The following RABEP1 variants were observed in gnomAD, a reference collection of about 807,000 sequenced individuals.
RABEP1 encodes the protein rabaptin, RAB GTPase binding effector protein 1, also known as rab GTPase-binding effector protein 1.
Under a neutral mutation model 123.4 loss-of-function variants are expected in RABEP1, and 51 were observed. The observed-to-expected ratio is 0.41, with a 90% CI of 0.33 to 0.52. The LOEUF (loss-of-function observed/expected upper bound fraction) is 0.52. RABEP1 is among the 20% of genes least tolerant of loss of function. The probability of loss-of-function intolerance (pLI) is 0.16; values close to 1 mark genes in which losing one functional copy is unlikely to be tolerated. For missense variants in RABEP1, 888 were observed against 996.3 expected (o/e 0.89, Z 1.46); for synonymous variants, 347 against 355.2 (o/e 0.98, Z 0.26).
In RABEP1 at chr17:5,383,397, T is replaced by C. The variant is rs8703; in HGVS notation, c.*174T>C. 0.54 allele frequency: 323,009 copies of C among 593,766 alleles called. 94,115 individuals carry two copies. Among genetic ancestry groups the C allele is most frequent in the East Asian group, 0.98 (34,533 of 35,318 alleles). 36.8% of individuals were successfully genotyped at this position (593,766 alleles called of 1,614,324 possible). A position where few individuals can be genotyped will look rare whatever the true frequency, so the allele number is the denominator to read the frequency against. ...GTGCGGCACAGGAAACAGCAAACAG[T>C]GGGGTGATCTGCAGCCCAGAGACCT... On this transcript the variant is annotated 3_prime_UTR_variant, in exon 18 of 18. Coordinates refer to ENST00000537505, the MANE Select transcript of RABEP1 (RefSeq NM_004703.6).
chr17:5,339,785 A>G (rs1188292174), intron 5 of RABEP1, among the ~76,000 whole-genome samples: 1 of 152,160 alleles, frequency 6.6e-6, no homozygotes, highest in African/African-American at 2.4e-5. Context: ...CCTGGGCGAC[A>G]GAGTGAGACT....
chr17:5,354,676 A>G (rs1346753079), intron 8 of RABEP1, among the ~76,000 whole-genome samples, 186 bp downstream of exon 8: 16 of 152,216 alleles, frequency 1.1e-4, no homozygotes, highest in Admixed American at 9.2e-4. Flanking sequence ...TATTTGAAAC[A>G]TGTTGCAGCT....
At chr17:5,381,333 T>A in intron 16 of RABEP1, 56 bp from the exon 17 acceptor site, 1 of 1,583,444 alleles carries the variant, frequency 6.3e-7, no homozygotes, top group Non-Finnish European at 8.6e-7. Flanking sequence ...TTACTGGATT[T>A]CCTAAGTAAT....
chr17:5,352,615 C>T (rs1477875892), intron 7 of RABEP1, among the ~76,000 whole-genome samples: 1 of 151,652 alleles, frequency 6.6e-6, no homozygotes, highest in Non-Finnish European at 1.5e-5. Context: ...TGGATCACCT[C>T]AGGTCAGGAG....
chr17:5,289,174 T>C (rs72836365), intron 1 of RABEP1, among the ~76,000 whole-genome samples: 351 of 2,174 alleles, frequency 0.16, no homozygotes, highest in African/African-American at 0.28. Context: ...CTTCTTCTTC[T>C]TCCTCTTCCT....
intron 10 of RABEP1, chr17:5,364,237 A>G (rs1395793204): frequency 6.6e-6 from 1 of 152,256 alleles, no homozygotes; most frequent in African/African-American, 2.4e-5. Context: ...TAGTCAGAAA[A>G]AGAAGTGGGA....
At position 5,338,500 on chromosome 17, in the gene RABEP1, G is replaced by A. The variant is rs139924669; in HGVS notation, c.648+362G>A. Among the ~76,000 whole-genome samples the A allele has an allele frequency of 2.3e-4, 35 of 152,332 alleles. 1 individual carries two copies. In the East Asian group the frequency reaches 4.4e-3, roughly 19 times the overall value. The stretch of plus-strand genomic sequence containing the variant: ...GGAGAATCGCTTGAAGCCCGGTGGC[G>A]GAGGTTGCAGTGAGCTGAGATTGTG... On this transcript the variant is annotated intron_variant, in intron 5 of 17. Coordinates refer to ENST00000537505, the MANE Select transcript of RABEP1 (RefSeq NM_004703.6).
chr17:5,378,360 G>T, intron 15 of RABEP1, 128 bp downstream of exon 15: 2 of 920,778 alleles, frequency 2.2e-6, no homozygotes, highest in Non-Finnish European at 3.5e-6. Flanking sequence ...TTTGTCTTGT[G>T]GGAAGAAAAC....
chr17:5,293,686 T>C (rs2075054167), intron 1 of RABEP1, among the ~76,000 whole-genome samples: 1 of 152,170 alleles, frequency 6.6e-6, no homozygotes, highest in Admixed American at 6.5e-5. Flanking sequence ...TGATTACAGG[T>C]GTGAGCCACT....
intron 11 of RABEP1, among the ~76,000 whole-genome samples, chr17:5,367,427 A>C (rs962712812): frequency 5.3e-5 from 8 of 150,480 alleles, no homozygotes; most frequent in Non-Finnish European, 1.2e-4. Context: ...ACCCGCCACC[A>C]CGCCCGGCTA....
At chr17:5,291,007 T>A (rs190226341) in intron 1 of RABEP1, among the ~76,000 whole-genome samples, 83 of 152,354 alleles carry the variant, frequency 5.4e-4, no homozygotes, top group African/African-American at 1.9e-3. Flanking sequence ...CCGTGACTAT[T>A]TTCATTCTAG....
intron 2 of RABEP1, among the ~76,000 whole-genome samples, chr17:5,329,843 A>G (rs943088347): frequency 2.9e-5 from 4 of 139,880 alleles, no homozygotes; most frequent in African/African-American, 5.3e-5. Context: ...ATATATATAT[A>G]TAACTAAAGT....
intron 12 of RABEP1, among the ~76,000 whole-genome samples, chr17:5,369,272 G>A (rs1910342494): frequency 6.6e-6 from 1 of 152,130 alleles, no homozygotes; most frequent in Non-Finnish European, 1.5e-5. Flanking sequence ...TAGTCCCCAG[G>A]CTTGGGCTCC....
At chr17:5,324,665 C>T (rs577474227) in intron 2 of RABEP1, among the ~76,000 whole-genome samples, 2 of 152,242 alleles carry the variant, frequency 1.3e-5, no homozygotes, top group African/African-American at 4.8e-5. Context: ...GCAAACTACC[C>T]ATCTCATAAG....
intron 1 of RABEP1, among the ~76,000 whole-genome samples, chr17:5,305,864 G>A (rs2075174979): frequency 6.6e-6 from 1 of 152,100 alleles, no homozygotes; most frequent in African/African-American, 2.4e-5. Context: ...TTTTCTCAAA[G>A]TTATCAAACC....
At chr17:5,378,341 TAAGG>T in intron 15 of RABEP1, 109 bp downstream of exon 15, 1 of 1,081,686 alleles carries the variant, frequency 9.2e-7, no homozygotes, top group Non-Finnish European at 1.4e-6. Context: ...GGCCCTGCCT[TAAGG>T]AACTTTTGTC....
At chr17:5,381,586 TGGCA>T (rs1911456710) in intron 17 of RABEP1, 81 bp downstream of exon 17, 1 of 1,517,284 alleles carries the variant, frequency 6.6e-7, no homozygotes. Context: ...ACTTGACCAC[TGGCA>T]GTAGCTAGAG....
intron 11 of RABEP1, among the ~76,000 whole-genome samples, chr17:5,366,099 C>T (rs956773567): frequency 2.6e-5 from 4 of 152,158 alleles, no homozygotes; most frequent in Non-Finnish European, 4.4e-5. Context: ...GTTTATACCT[C>T]CACCAGCAAT....
chr17:5,311,506 C>T (rs889801864), intron 2 of RABEP1, among the ~76,000 whole-genome samples: 1 of 151,638 alleles, frequency 6.6e-6, no homozygotes, highest in Non-Finnish European at 1.5e-5. Flanking sequence ...ACCAGCTGGG[C>T]CAACATGGTG....
Sources: gnomAD v4.1 joint callset for allele counts (sites outside exome capture counted in the v4.1 genomes callset) on GRCh38, gnomAD v4.1.1 for gene constraint, MANE v1.5 for transcripts, NCBI Gene and HGNC (gene_info 2026-07-23, HGNC 2026-07-21) for gene names.